Variants in DNPEP observed in about 807,000 individuals in gnomAD.
DNPEP encodes aspartyl aminopeptidase.
DNPEP carries 46 observed loss-of-function variants against 59.1 expected under a neutral mutation model. The observed-to-expected ratio is 0.78, with a 90% CI of 0.61 to 0.99. DNPEP has a LOEUF of 0.99. DNPEP is among the 50% of genes least tolerant of loss of function. The probability of loss-of-function intolerance (pLI) is 0.00; values close to 1 mark genes in which losing one functional copy is unlikely to be tolerated. For synonymous variants in DNPEP, 229 were observed against 242.2 expected (o/e 0.95, Z 0.50); for missense variants, 617 against 649.9 (o/e 0.95, Z 0.55).
At chr2:219,398,105 C>T (rs898680892) in intron 1 of DNPEP, among the ~76,000 whole-genome samples, 14 of 152,096 alleles carry the variant, frequency 9.2e-5, no homozygotes, top group African/African-American at 1.7e-4. Context: ...ATCTGTAAAC[C>T]GGTGGAAGAT....
At chr2:219,391,671 A>C (rs1954018462), upstream of DNPEP, among the ~76,000 whole-genome samples, 1 of 152,158 alleles carries the variant, frequency 6.6e-6, no homozygotes, top group African/African-American at 2.4e-5. Flanking sequence ...CCAGCACACT[A>C]TTCCACCCGT....
chr2:219,399,928 T>C, intron 1 of DNPEP: 1 of 1,550,446 alleles, frequency 6.4e-7, no homozygotes, highest in South Asian at 1.2e-5. Context: ...CGAGCCATGG[T>C]GACCTGCTCA....
chr2:219,384,751 T>G (rs1456581156), intron 8 of DNPEP: 1 of 262,654 alleles, frequency 3.8e-6, no homozygotes, highest in Admixed American at 5.2e-5. Flanking sequence ...GTATTTTTAT[T>G]AGAGACAGGG....
chr2:219,381,599 T>C lies in DNPEP; in HGVS notation c.1098-15A>G, dbSNP rs1559335129. The stretch of plus-strand genomic sequence containing the variant: ...CATGCTTGTCCCTGTAAGAGACAGA[T>C]AAGGGCCAGACATAGCAAACAGGAG... On this transcript the variant is annotated splice_polypyrimidine_tract_variant and intron_variant, in intron 11 of 14. Coordinates refer to ENST00000273075, the MANE Select transcript of DNPEP (RefSeq NM_012100.4). 1.2e-6 allele frequency: 2 copies of C among 1,613,980 alleles called. No individual in the cohort carries two copies. The highest frequency in any genetic ancestry group is 1.7e-6 in the Non-Finnish European group (2 of 1,179,922).
At chr2:219,387,723 A>C in intron 1 of DNPEP, 36 bp downstream of exon 1, 1 of 1,607,798 alleles carries the variant, frequency 6.2e-7, no homozygotes, top group Non-Finnish European at 8.5e-7. Context: ...CCGGTCTGGG[A>C]TCGAAATTCA....
chr2:219,382,253 G>A, intron 10 of DNPEP, 114 bp from the exon 11 acceptor site: 1 of 1,220,054 alleles, frequency 8.2e-7, no homozygotes, highest in Non-Finnish European at 1.1e-6. Flanking sequence ...GTCACTGGGT[G>A]TTCTTAGCAA....
chr2:219,396,730 A>G (rs1954102883), intron 1 of DNPEP, among the ~76,000 whole-genome samples: 1 of 152,220 alleles, frequency 6.6e-6, no homozygotes, highest in Non-Finnish European at 1.5e-5. Context: ...AACCTAGAAA[A>G]AAATAGCATC....
At chr2:219,383,282 C>T (rs769991858) in intron 9 of DNPEP, 68 bp from the exon 10 acceptor site, 59 of 1,415,366 alleles carry the variant, frequency 4.2e-5, no homozygotes, top group Non-Finnish European at 5.7e-5. Context: ...CCCACCAGCA[C>T]CTTGGGTGTG....
chr2:219,387,631 C>A, intron 1 of DNPEP, 128 bp downstream of exon 1: 1 of 1,546,920 alleles, frequency 6.5e-7, no homozygotes, highest in Non-Finnish European at 8.7e-7. Flanking sequence ...AGGTCACCCT[C>A]CGCGGGGCTT....
chr2:219,386,784 G>C lies in DNPEP; in HGVS notation c.220-6C>G. On this transcript the variant is annotated splice_region_variant and splice_polypyrimidine_tract_variant and intron_variant, in intron 3 of 14. Transcript: ENST00000273075. ...GAGTTCCTGGTCATGAAGTACTGAGGAGAAGGGGAGGAAAGACAGGGGTGT... is the reference window on the plus strand; with the variant it reads ...GAGTTCCTGGTCATGAAGTACTGAGCAGAAGGGGAGGAAAGACAGGGGTGT... The C allele has an allele frequency of 6.2e-7, 1 of 1,612,740 alleles. No homozygotes were observed. Among genetic ancestry groups the C allele is most frequent in the Non-Finnish European group, 8.5e-7 (1 of 1,179,188 alleles).
At position 219,384,419 on chromosome 2, in the gene DNPEP, A is replaced by G; in HGVS notation, c.799T>C (p.Phe267Leu). 1 of 1,611,674 alleles carries G rather than the reference A, an allele frequency of 6.2e-7. No individual in the cohort carries two copies. The highest frequency in any genetic ancestry group is 8.5e-7 in the Non-Finnish European group (1 of 1,178,974). Residue 267 changes from phenylalanine (F) to leucine (L), a missense_variant, in exon 9 of 15, where the codon TTC (phenylalanine) becomes CTC (leucine). By Grantham distance (22) the Phe-to-Leu change is conservative. Transcript: ENST00000273075. ...PAVLGGAYDE[F>L]IFAPRLDNLH... ...TTGTCCAGCCGAGGAGCAAAGATGA[A>G]CTCATCATAGGCACCACCCAAGACC...
chr2:219,387,858 G>T lies in DNPEP; in HGVS notation c.-64C>A. 2 of 1,500,696 alleles carry T rather than the reference G, an allele frequency of 1.3e-6. No individual in the cohort carries two copies. The highest frequency in any genetic ancestry group is 1.5e-5 in the African/African-American group (1 of 67,462). 93.0% of individuals were successfully genotyped at this position (1,500,696 alleles called of 1,614,324 possible). A position where few individuals can be genotyped will look rare whatever the true frequency, so the allele number is the denominator to read the frequency against. The stretch of plus-strand genomic sequence containing the variant: ...GCCCCGCCCCTCACTAGCTTTGCAG[G>T]TCCCCCGCGTGCCCCTTCAGGCCGC... On this transcript the variant is annotated 5_prime_UTR_variant, in exon 1 of 15. Transcript: ENST00000273075.
At chr2:219,396,404 A>G (rs1453179915) in intron 1 of DNPEP, among the ~76,000 whole-genome samples, 3 of 152,142 alleles carry the variant, frequency 2.0e-5, no homozygotes. Flanking sequence ...CCTTACCAAC[A>G]TGGTGAAGCC....
chr2:219,374,778 A>G, intron 14 of DNPEP, 77 bp downstream of exon 14: 2 of 1,517,952 alleles, frequency 1.3e-6, no homozygotes, highest in South Asian at 2.4e-5. Flanking sequence ...TGTGATGGCG[A>G]TGTTGTCCCA....
At chr2:219,380,540 T>G (rs1207027690) in intron 13 of DNPEP, among the ~76,000 whole-genome samples, 1 of 152,092 alleles carries the variant, frequency 6.6e-6, no homozygotes, top group Non-Finnish European at 1.5e-5. Context: ...CTTTTCTATG[T>G]TTAGATACAC....
upstream of DNPEP, chr2:219,388,823 T>G (rs575984625): frequency 7.1e-6 from 7 of 985,494 alleles, no homozygotes; most frequent in African/African-American, 1.2e-4. Context: ...TGATAAAGAT[T>G]GGCCTGTTAC....
At position 219,381,558 on chromosome 2, in the gene DNPEP, G is replaced by A; in HGVS notation, c.1124C>T (p.Pro375Leu). The stretch of plus-strand genomic sequence containing the variant: ...GGCACGTCTCACCTTGTGGAATAAA[G>A]GCCGGTGGTTCTCCTCATGCTTGTC... ...YLDKHEENHR[P>L]LFHKGPVIKV... Residue 375 changes from proline (P) to leucine (L), a missense_variant, in exon 12 of 15, where the codon CCT (proline) becomes CTT (leucine). Pro to Leu is a moderately conservative substitution (Grantham distance 98, BLOSUM62 -3). Transcript: ENST00000273075. 2 of 1,614,182 alleles carry A rather than the reference G, an allele frequency of 1.2e-6. No homozygotes were observed. The highest frequency in any genetic ancestry group is 1.7e-6 in the Non-Finnish European group (2 of 1,180,032).
At chr2:219,384,554 C>T (rs1953730481) in intron 8 of DNPEP, 111 bp from the exon 9 acceptor site, 1 of 781,680 alleles carries the variant, frequency 1.3e-6, no homozygotes, top group Non-Finnish European at 2.0e-6. Context: ...TGACCCCTGG[C>T]TTAGGGCACT....
At chr2:219,386,439 A>G (rs1471400661) in intron 4 of DNPEP, 28 bp from the exon 5 acceptor site, 2 of 1,614,034 alleles carry the variant, frequency 1.2e-6, no homozygotes, top group East Asian at 2.2e-5. Context: ...GAAGTCAGAG[A>G]AGGCTTCATG....
Sources: gnomAD v4.1 joint callset for allele counts (sites outside exome capture counted in the v4.1 genomes callset) on GRCh38, gnomAD v4.1.1 for gene constraint, MANE v1.5 for transcripts, NCBI Gene and HGNC (gene_info 2026-07-23, HGNC 2026-07-21) for gene names.